MRPS7: variants seen among roughly 807,000 people sequenced by gnomAD.
MRPS7 encodes mitochondrial ribosomal protein S7.
Under a neutral mutation model 26.2 loss-of-function variants are expected in MRPS7, and 13 were observed. The observed-to-expected ratio is 0.50, with a 90% confidence interval of 0.32 to 0.79. The LOEUF (loss-of-function observed/expected upper bound fraction) is 0.79, where lower values mean the gene tolerates loss of function less well. MRPS7 is among the 30% of genes least tolerant of loss of function. The pLI, the probability that MRPS7 is intolerant of heterozygous loss-of-function variation, is 0.03. For synonymous variants in MRPS7, 129 were observed against 113.3 expected (o/e 1.14, Z -0.88); for missense variants, 318 against 312.2 (o/e 1.02, Z -0.14).
At chr17:75,265,611 C>A in intron 4 of MRPS7, 91 bp from the exon 5 acceptor site, 1 of 1,137,628 alleles carries the variant, frequency 8.8e-7, no homozygotes, top group Non-Finnish European at 1.3e-6. Context: ...CCAGAGGGAA[C>A]ATGTGGCTAC....
rs1440615744 is a variant in MRPS7, at chr17:75,264,703, G to A, written c.508-999G>A. ...TTTTTTTTTTTTGAGATGGAGTTTC[G>A]CTTTTGTTGCCCAGACTGGAGTGCA... On this transcript the variant is annotated intron_variant, in intron 4 of 4. Coordinates refer to ENST00000245539, the MANE Select transcript of MRPS7 (RefSeq NM_015971.4). 6.2e-5 allele frequency among the ~76,000 whole-genome samples: 9 copies of A among 144,556 alleles called. No homozygotes were observed. The East Asian group carries it at 1.6e-3, about 26-fold the overall frequency. 94.8% of individuals were successfully genotyped at this position (144,556 alleles called of 152,430 possible).
Position 75,262,537 on chromosome 17 carries a change from A to G in MRPS7, c.124A>G (p.Lys42Glu), listed in dbSNP as rs745357593. The G allele has an allele frequency of 6.2e-7, 1 of 1,614,102 alleles. No homozygotes were observed. Among genetic ancestry groups the G allele is most frequent in the East Asian group, 2.2e-5 (1 of 44,892 alleles). ...VRWSRYSPEF[K>E]DPLIDKEYYR... The stretch of plus-strand genomic sequence containing the variant: ...ATGGAGCCGCTATAGTCCTGAATTC[A>G]AGGATCCCTTGATTGACAAGGAATA... Residue 42 changes from lysine to glutamate, a missense_variant, in exon 2 of 5, where the codon AAG becomes GAG. Physicochemically the swap from Lys to Glu is moderately conservative, Grantham distance 56 (BLOSUM62 1). Transcript: ENST00000245539.
intron 3 of MRPS7, 162 bp from the exon 4 acceptor site, chr17:75,263,178 C>A: frequency 1.2e-6 from 1 of 822,376 alleles, no homozygotes. Flanking sequence ...CCTAGTCTAG[C>A]AAAGGGGGAG....
chr17:75,265,570 G>A (rs867744838), intron 4 of MRPS7, 132 bp from the exon 5 acceptor site: 1 of 728,402 alleles, frequency 1.4e-6, no homozygotes. Context: ...GAAAAGACAG[G>A]CCCTTCTCCC....
At position 75,262,587 on chromosome 17, in the gene MRPS7, A is replaced by G. The variant is rs751715738; in HGVS notation, c.174A>G (p.Leu58=). ...KEYYRKPVEE[L]TEEEKYVREL... is the part of the protein sequence containing the mutation. ...ATTATCGCAAGCCAGTGGAGGAGCT[A>G]ACTGAGGAGGAGAAATATGTTCGGG... Residue 58 remains leucine (L), a synonymous_variant, in exon 2 of 5, where the codon CTA becomes CTG. Coordinates refer to ENST00000245539, the MANE Select transcript of MRPS7 (RefSeq NM_015971.4). The G allele has an allele frequency of 2.5e-6, 4 of 1,614,134 alleles. No homozygotes were observed. In the South Asian group the frequency reaches 4.4e-5, roughly 18 times the overall value.
rs1187207115 is a variant in MRPS7, at chr17:75,262,829, G to A, written c.301G>A (p.Gly101Arg). The change falls in exon 3 of 5, where the codon GGA (glycine) becomes AGA (arginine). Residue 101 changes from glycine (G) to arginine (R), a missense_variant. Physicochemically the swap from Gly to Arg is moderately radical, Grantham distance 125. Transcript: ENST00000245539. ...TAAATTCACCAACATGATGATGATAGGAGGAAACAAAGTACTGGCCAGATC... is the reference window on the plus strand; with the variant it reads ...TAAATTCACCAACATGATGATGATAAGAGGAAACAAAGTACTGGCCAGATC... ...ISKFTNMMMI[G>R]GNKVLARSLM... is the part of the protein sequence containing the mutation. 6.2e-7 allele frequency: 1 copy of A among 1,614,112 alleles called. No homozygotes were observed. The highest frequency in any genetic ancestry group is 1.3e-5 in the African/African-American group (1 of 75,020).
At chr17:75,263,232 A>C (rs1306071437) in intron 3 of MRPS7, 108 bp from the exon 4 acceptor site, 3 of 1,367,500 alleles carry the variant, frequency 2.2e-6, no homozygotes, top group Non-Finnish European at 3.0e-6. Context: ...GAGGAGCTGC[A>C]TTGCCAGCGC....
Position 75,266,139 on chromosome 17 carries a change from C to T in MRPS7, c.*216C>T, listed in dbSNP as rs2077478651. On this transcript the variant is annotated 3_prime_UTR_variant, in exon 5 of 5. Transcript: ENST00000245539. The stretch of plus-strand genomic sequence containing the variant: ...CCTATTTCCTTGTAAAGAGGGAGCA[C>T]ATTGACTTGGGAATTTCCTCCAGGA... The T allele has an allele frequency of 3.5e-6, 2 of 578,040 alleles. No individual in the cohort carries two copies. Among genetic ancestry groups the T allele is most frequent in the Admixed American group, 3.1e-5 (1 of 32,662 alleles). The allele number at this position is 578,040 out of a possible 1,614,324, so 35.8% of individuals were successfully genotyped here.
intron 4 of MRPS7, among the ~76,000 whole-genome samples, chr17:75,265,035 CTTCT>C (rs984898567): frequency 6.6e-6 from 1 of 151,606 alleles, no homozygotes; most frequent in Non-Finnish European, 1.5e-5. Flanking sequence ...CAGTGCTTTT[CTTCT>C]TTTTCTTTTT....
rs189159301 is a variant in MRPS7, at chr17:75,265,704, C to G, written c.510C>G (p.Val170=). Residue 170 remains valine, a splice_region_variant and synonymous_variant, in exon 5 of 5, where the codon GTC becomes GTG. Transcript: ENST00000245539. ...TGCCTATGTCCTGTCTCACCCAGGT[C>G]CCTGTACCCCTACCCGACCGGCGTC... is the stretch of plus-strand genomic sequence containing the variant. ...PILKGGRFYQ[V]PVPLPDRRRR... is the part of the protein sequence containing the mutation. 1 of 1,613,754 alleles carries G rather than the reference C, an allele frequency of 6.2e-7. No individual in the cohort carries two copies. Among genetic ancestry groups the G allele is most frequent in the East Asian group, 2.2e-5 (1 of 44,888 alleles).
intron 1 of MRPS7, chr17:75,262,222 CT>C: frequency 4.7e-6 from 3 of 642,978 alleles, no homozygotes; most frequent in Non-Finnish European, 8.0e-6. Flanking sequence ...AGCTAAAGAG[CT>C]CAGATCTGGG....
intron 4 of MRPS7, chr17:75,264,315 T>A (rs2077453694): frequency 6.6e-6 from 1 of 152,226 alleles, no homozygotes; most frequent in African/African-American, 2.4e-5. Context: ...CGCCTTCTTC[T>A]GTCAAGCATC....
intron 1 of MRPS7, 78 bp downstream of exon 1, chr17:75,262,061 G>A: frequency 6.6e-7 from 1 of 1,518,584 alleles, no homozygotes; most frequent in Non-Finnish European, 9.0e-7. Flanking sequence ...TGGGCCCCTA[G>A]AGAGAGCATT....
chr17:75,262,083 C>A, intron 1 of MRPS7, 100 bp downstream of exon 1: 2 of 1,381,396 alleles, frequency 1.4e-6, no homozygotes, highest in Non-Finnish European at 2.0e-6. Context: ...CCCTGGGGGC[C>A]GGAGTATCTG....
In MRPS7 at chr17:75,265,717, C is replaced by T. The variant is rs377096782; in HGVS notation, c.523C>T (p.Pro175Ser). 7 of 1,613,880 alleles carry T rather than the reference C, an allele frequency of 4.3e-6. No individual in the cohort carries two copies. In the African/African-American group the frequency reaches 9.3e-5, roughly 22 times the overall value. ...TCTCACCCAGGTCCCTGTACCCCTA[C>T]CCGACCGGCGTCGCCGCTTCCTAGC... ...GRFYQVPVPL[P>S]DRRRRFLAMK... Residue 175 changes from proline to serine, a missense_variant, in exon 5 of 5, where the codon CCC (proline) becomes TCC (serine). Pro to Ser is a moderately conservative substitution (Grantham distance 74). Coordinates refer to ENST00000245539, the MANE Select transcript of MRPS7 (RefSeq NM_015971.4).
intron 1 of MRPS7, 129 bp from the exon 2 acceptor site, chr17:75,262,367 TC>T (rs2077418271): frequency 9.8e-7 from 1 of 1,021,784 alleles, no homozygotes; most frequent in Non-Finnish European, 1.5e-6. Flanking sequence ...TTGTTGTGGC[TC>T]AGGTTTAGCT....
At chr17:75,265,451 A>G (rs1024956717) in intron 4 of MRPS7, among the ~76,000 whole-genome samples, 1 of 152,162 alleles carries the variant, frequency 6.6e-6, no homozygotes, top group Non-Finnish European at 1.5e-5. Context: ...CTGGGATTAC[A>G]GGTGTGAACC....
chr17:75,263,314 G>A lies in MRPS7; in HGVS notation c.340-26G>A. 1.9e-6 allele frequency: 3 copies of A among 1,613,476 alleles called. No homozygotes were observed. The South Asian group carries it at 3.3e-5, about 18-fold the overall frequency. On this transcript the variant is annotated intron_variant, in intron 3 of 4. Coordinates refer to ENST00000245539, the MANE Select transcript of MRPS7 (RefSeq NM_015971.4). ...TAAACCCTTTAGGGAGCCTGGGGCA[G>A]CCTCTTCCACCATATTCTTTTGCAG...
rs551667205 is a variant in MRPS7 at position 75,262,816 on chromosome 17, CATG to C, written c.297_299del (p.Met99del). ...TTTCTCTTTGAAGTAAATTCACCAACATGATGATGATAGGAGGAAACAAAGTAC... is the reference window on the plus strand; with the variant it reads ...TTTCTCTTTGAAGTAAATTCACCAACATGATGATAGGAGGAAACAAAGTAC... On this transcript the variant is annotated inframe_deletion, in exon 3 of 5. Transcript: ENST00000245539. 2 of 1,614,060 alleles carry C rather than the reference CATG, an allele frequency of 1.2e-6. No individual in the cohort carries two copies. Among genetic ancestry groups the C allele is most frequent in the Admixed American group, 1.7e-5 (1 of 59,998 alleles).
Sources: gnomAD v4.1 joint callset for allele counts (sites outside exome capture counted in the v4.1 genomes callset) on GRCh38, gnomAD v4.1.1 for gene constraint, MANE v1.5 for transcripts, NCBI Gene and HGNC (gene_info 2026-07-23, HGNC 2026-07-21) for gene names.